B3GALT1: variants seen among roughly 807,000 people sequenced by gnomAD.
The protein encoded by B3GALT1 is UDP-Gal:betaGlcNAc beta 1,3-galactosyltransferase, polypeptide 1.
In B3GALT1, 10 loss-of-function variants were observed where a neutral mutation model predicts 23.2. The ratio of observed to expected loss-of-function variants is 0.43; its 90% CI spans 0.27 to 0.73. B3GALT1 has a LOEUF of 0.73. Ranked by LOEUF, B3GALT1 falls within the 30% of genes least tolerant of loss-of-function variation. The probability of loss-of-function intolerance (pLI) is 0.21; values close to 1 mark genes in which losing one functional copy is unlikely to be tolerated. For synonymous variants in B3GALT1, 156 were observed against 141.5 expected, an observed-to-expected ratio of 1.10 and a Z score of -0.73; for missense variants, 299 against 405.4, an observed-to-expected ratio of 0.74 and a Z score of 2.25.
At chr2:167,650,645 G>A (rs1685846698) in intron 3 of B3GALT1, among the ~76,000 whole-genome samples, 1 of 151,954 alleles carries the variant, frequency 6.6e-6, no homozygotes, top group Non-Finnish European at 1.5e-5. Context: ...GAAGACATCT[G>A]GTCAGGGACT....
chr2:167,609,081 C>A lies in B3GALT1; in HGVS notation c.-409-37828C>A, dbSNP rs1273045644. ...AAATGTTGCTTCTTGAAAATGGGAC[C>A]CATGACTTACTTATATTTATAACCT... On this transcript the variant is annotated intron_variant, in intron 2 of 4. Transcript: ENST00000392690. Among the ~76,000 whole-genome samples, 4 of 152,028 alleles carry A rather than the reference C, an allele frequency of 2.6e-5. No individual in the cohort carries two copies. The East Asian group carries it at 7.7e-4, about 29-fold the overall frequency.
chr2:167,339,961 C>T (rs1697120825), intron 1 of B3GALT1, among the ~76,000 whole-genome samples: 1 of 152,062 alleles, frequency 6.6e-6, no homozygotes, highest in Admixed American at 6.6e-5. Flanking sequence ...CCCTATTGGG[C>T]TGGAGAAACA....
At chr2:167,472,935 G>A (rs2105331918) in intron 1 of B3GALT1, among the ~76,000 whole-genome samples, 1 of 152,232 alleles carries the variant, frequency 6.6e-6, no homozygotes, top group African/African-American at 2.4e-5. Context: ...TTGTGAAAAA[G>A]TGAAGGAATG....
chr2:167,772,846 C>A lies in B3GALT1; in HGVS notation c.-351-45826C>A, dbSNP rs72876898. Among the ~76,000 whole-genome samples, 1,254 of 152,328 alleles carry A rather than the reference C, an allele frequency of 8.2e-3. 16 individuals are homozygous for A. The highest frequency in any genetic ancestry group is 0.066 in the South Asian group (319 of 4,828). ...CTGACACCTGTCAAAAGGTAATTAT[C>A]ATTTAACAGAGCTGTCCAAATGTTT... On this transcript the variant is annotated intron_variant, in intron 3 of 4. Coordinates refer to ENST00000392690, the MANE Select transcript of B3GALT1 (RefSeq NM_020981.4).
chr2:167,505,891 C>T (rs1226281525), intron 2 of B3GALT1, among the ~76,000 whole-genome samples: 1 of 152,070 alleles, frequency 6.6e-6, no homozygotes, highest in Non-Finnish European at 1.5e-5. Flanking sequence ...GAAACCCTGT[C>T]TCTACCAAAA....
chr2:167,468,802 C>T (rs1301677147), intron 1 of B3GALT1, among the ~76,000 whole-genome samples: 3 of 152,108 alleles, frequency 2.0e-5, no homozygotes, highest in East Asian at 3.8e-4. Flanking sequence ...ACCTGGGAGG[C>T]GGAGGTTGCA....
intron 1 of B3GALT1, among the ~76,000 whole-genome samples, chr2:167,371,411 G>T (rs1174824784): frequency 6.6e-6 from 1 of 152,092 alleles, no homozygotes; most frequent in Admixed American, 6.5e-5. Flanking sequence ...GCTACTAGTA[G>T]TAATGTGATG....
chr2:167,298,216 C>T (rs1354481543), intron 1 of B3GALT1, among the ~76,000 whole-genome samples: 2 of 152,080 alleles, frequency 1.3e-5, no homozygotes, highest in Non-Finnish European at 2.9e-5. Context: ...GCAACTTCCT[C>T]TATGTGTAAG....
At chr2:167,441,187 A>C (rs921226004) in intron 1 of B3GALT1, among the ~76,000 whole-genome samples, 2 of 152,202 alleles carry the variant, frequency 1.3e-5, no homozygotes, top group Non-Finnish European at 2.9e-5. Flanking sequence ...AGGTTCATGA[A>C]GAGATCCAAA....
chr2:167,656,828 G>A (rs768899529), intron 3 of B3GALT1, among the ~76,000 whole-genome samples: 1 of 152,082 alleles, frequency 6.6e-6, no homozygotes, highest in East Asian at 1.9e-4. Context: ...TCTGGATTTG[G>A]GGGAGAGTTG....
At position 167,705,046 on chromosome 2, in the gene B3GALT1, C is replaced by T. The variant is rs540622254; in HGVS notation, c.-352+58080C>T. ...CTAGTGGGAAAAGCGTGCTATCCCACTCTTGTCTCTTGGCTTGGCTATGTG... is the reference window on the plus strand; with the variant it reads ...CTAGTGGGAAAAGCGTGCTATCCCATTCTTGTCTCTTGGCTTGGCTATGTG... On this transcript the variant is annotated intron_variant, in intron 3 of 4. Transcript: ENST00000392690. 3.9e-5 allele frequency among the ~76,000 whole-genome samples: 6 copies of T among 152,326 alleles called. No individual in the cohort carries two copies. The South Asian group carries it at 1.2e-3, about 32-fold the overall frequency.
chr2:167,324,812 C>T (rs934461340), intron 1 of B3GALT1, among the ~76,000 whole-genome samples: 14 of 152,124 alleles, frequency 9.2e-5, no homozygotes, highest in South Asian at 4.1e-4. Flanking sequence ...TTACATCTTC[C>T]GTCTTACTAT....
intron 2 of B3GALT1, among the ~76,000 whole-genome samples, chr2:167,497,704 A>C (rs1036555663): frequency 2.6e-5 from 4 of 152,062 alleles, no homozygotes; most frequent in African/African-American, 7.2e-5. Context: ...TGGCTAAGAA[A>C]AGGAGACTCT....
intron 1 of B3GALT1, among the ~76,000 whole-genome samples, chr2:167,393,601 A>G (rs1698053140): frequency 6.6e-6 from 1 of 152,198 alleles, no homozygotes; most frequent in Non-Finnish European, 1.5e-5. Flanking sequence ...TTATGACAAC[A>G]ATTTAAATTT....
At chr2:167,828,113 T>A (rs1689267542) in intron 4 of B3GALT1, among the ~76,000 whole-genome samples, 1 of 152,216 alleles carries the variant, frequency 6.6e-6, no homozygotes, top group Admixed American at 6.5e-5. Flanking sequence ...TGCTGTGTAA[T>A]GTACCTTTGA....
chr2:167,659,115 A>C (rs938932796), intron 3 of B3GALT1, among the ~76,000 whole-genome samples: 1 of 152,108 alleles, frequency 6.6e-6, no homozygotes, highest in Admixed American at 6.6e-5. Context: ...ACTTGACTGC[A>C]ATTTGGAAAA....
intron 1 of B3GALT1, among the ~76,000 whole-genome samples, chr2:167,471,661 A>T (rs1008630634): frequency 7.9e-5 from 12 of 152,024 alleles, no homozygotes; most frequent in African/African-American, 2.7e-4. Context: ...TCAACAGTAT[A>T]AAAAAAATGA....
At chr2:167,480,927 A>C (rs1270683723) in intron 1 of B3GALT1, among the ~76,000 whole-genome samples, 2 of 152,146 alleles carry the variant, frequency 1.3e-5, no homozygotes, top group Non-Finnish European at 2.9e-5. Flanking sequence ...TGCTGTAGAA[A>C]AACTGCTCAT....
intron 1 of B3GALT1, among the ~76,000 whole-genome samples, chr2:167,402,253 T>C (rs1417601106): frequency 6.6e-6 from 1 of 152,102 alleles, no homozygotes; most frequent in African/African-American, 2.4e-5. Flanking sequence ...AGTCATCAAC[T>C]TAAAAATAAT....
Sources: allele counts gnomAD v4.1 joint callset (sites outside exome capture counted in the v4.1 genomes callset), GRCh38; gene constraint gnomAD v4.1.1; transcripts MANE v1.5; gene names NCBI Gene and HGNC (gene_info 2026-07-23, HGNC 2026-07-21).